PKD1L1: variants seen among roughly 807,000 people sequenced by gnomAD.
PKD1L1 encodes polycystin-1-like protein 1.
In PKD1L1, 236 loss-of-function variants were observed where a neutral mutation model predicts 323.4. That is an observed-to-expected ratio of 0.73 (90% CI 0.66 to 0.81). The LOEUF is 0.81. Ranked by LOEUF, PKD1L1 falls within the 40% of genes least tolerant of loss-of-function variation. The probability of loss-of-function intolerance (pLI) is 0.00; values close to 1 mark genes in which losing one functional copy is unlikely to be tolerated. For missense variants in PKD1L1, 3,320 were observed against 3,508.0 expected, an observed-to-expected ratio of 0.95 and a Z score of 1.35; for synonymous variants, 1,344 against 1,335.0, an observed-to-expected ratio of 1.01 and a Z score of -0.15.
intron 2 of PKD1L1, among the ~76,000 whole-genome samples, chr7:47,942,426 C>T (rs892872836): frequency 3.9e-5 from 6 of 152,008 alleles, no homozygotes; most frequent in African/African-American, 1.2e-4. Flanking sequence ...GGCACACACC[C>T]GCCTCCTGCC....
Position 47,830,142 on chromosome 7 carries a change from G to T in PKD1L1, c.6474-18C>A. 1 of 1,609,364 alleles carries T rather than the reference G, an allele frequency of 6.2e-7. No homozygotes were observed. The highest frequency in any genetic ancestry group is 8.5e-7 in the Non-Finnish European group (1 of 1,176,410). ...GGCCAAACCTGCCCCCAGGGAAAGT[G>T]CAGTGGTCAGCCCCCTCTAAGGGAG... is the stretch of plus-strand genomic sequence containing the variant. On this transcript the variant is annotated intron_variant, in intron 42 of 56. Coordinates refer to ENST00000289672, the MANE Select transcript of PKD1L1 (RefSeq NM_138295.5).
At position 47,843,953 on chromosome 7, in the gene PKD1L1, T is replaced by G. The variant is rs113122663; in HGVS notation, c.5238-784A>C. Among the ~76,000 whole-genome samples the G allele has an allele frequency of 4.2e-4, 64 of 152,288 alleles. 1 individual carries two copies. Among genetic ancestry groups the G allele is most frequent in the African/African-American group, 1.5e-3 (63 of 41,564 alleles). ...CCTGCCCTCTTTTTTCCCACCAAGA[T>G]AGAGCCTGTTCAGAGCTCTGCCCCA... On this transcript the variant is annotated intron_variant, in intron 33 of 56. Coordinates refer to ENST00000289672, the MANE Select transcript of PKD1L1 (RefSeq NM_138295.5).
At position 47,853,227 on chromosome 7, in the gene PKD1L1, T is replaced by C; in HGVS notation, c.4860A>G (p.Arg1620=). The change falls in exon 31 of 57, where the codon AGA becomes AGG. Residue 1620 remains arginine, a splice_region_variant and synonymous_variant. Transcript: ENST00000289672. ...CAGAGGGAGTAGGTTTCTCAGAGAA[T>C]CTAGGAGATAAAAACAAAATAGGGA... ...TRAFPVMLLV[R]FSEKPTPSDF... 1 of 1,598,574 alleles carries C rather than the reference T, an allele frequency of 6.3e-7. No homozygotes were observed. Among genetic ancestry groups the C allele is most frequent in the Non-Finnish European group, 8.6e-7 (1 of 1,166,926 alleles).
At position 47,904,228 on chromosome 7, in the gene PKD1L1, A is replaced by G. The variant is rs936488601; in HGVS notation, c.1931+150T>C. ...CTGGACTAGGAGCTCCTTGAGAAGCATGGTCAGGTCTTATTTGTCTCTGTG... is the reference window on the plus strand; with the variant it reads ...CTGGACTAGGAGCTCCTTGAGAAGCGTGGTCAGGTCTTATTTGTCTCTGTG... On this transcript the variant is annotated intron_variant, in intron 12 of 56. Transcript: ENST00000289672. The G allele has an allele frequency of 4.7e-6, 5 of 1,065,960 alleles. No homozygotes were observed. In the African/African-American group the frequency reaches 6.3e-5, roughly 13 times the overall value. The allele number at this position is 1,065,960 out of a possible 1,614,324, so 66.0% of individuals were successfully genotyped here.
chr7:47,885,807 C>G lies in PKD1L1; in HGVS notation c.3084G>C (p.Leu1028=), dbSNP rs983868161. ...WIPPAGDSAV[L]GEAPEEGSLD... Reference sequence around the variant, plus strand: ...GTGAACCTTCCTCTGGAGCCTCCCCCAGGACTGCAGAGTCCCCCGCAGGAG... The same window carrying G: ...GTGAACCTTCCTCTGGAGCCTCCCCGAGGACTGCAGAGTCCCCCGCAGGAG... The change falls in exon 18 of 57, where the codon CTG becomes CTC. Residue 1028 remains leucine, a synonymous_variant. Transcript: ENST00000289672. 6 of 1,614,120 alleles carry G rather than the reference C, an allele frequency of 3.7e-6. No homozygotes were observed. Among genetic ancestry groups the G allele is most frequent in the South Asian group, 3.3e-5 (3 of 91,096 alleles).
At position 47,865,279 on chromosome 7, in the gene PKD1L1, A is replaced by G. The variant is rs771420486; in HGVS notation, c.4093-7T>C. ...CAGAACCAATCATTTCTTCCTGACC[A>G]GAAGAAACAACAATAAAACAAAAAG... On this transcript the variant is annotated splice_polypyrimidine_tract_variant and splice_region_variant and intron_variant, in intron 25 of 56. Transcript: ENST00000289672. 6.2e-7 allele frequency: 1 copy of G among 1,611,490 alleles called. No homozygotes were observed. Among genetic ancestry groups the G allele is most frequent in the Admixed American group, 1.7e-5 (1 of 59,782 alleles).
At position 47,848,063 on chromosome 7, in the gene PKD1L1, T is replaced by A. The variant is rs543992388; in HGVS notation, c.4961-992A>T. On this transcript the variant is annotated intron_variant, in intron 31 of 56. Transcript: ENST00000289672. ...TATTAAAATGAACATTTCTCAATTA[T>A]AAGACTGGCAAAACTCAATAGCTTG... is the stretch of plus-strand genomic sequence containing the variant. Among the ~76,000 whole-genome samples the A allele has an allele frequency of 2.6e-5, 4 of 152,332 alleles. No individual in the cohort carries two copies. The East Asian group carries it at 7.7e-4, about 29-fold the overall frequency.
intron 14 of PKD1L1, among the ~76,000 whole-genome samples, chr7:47,896,496 G>A (rs1459835951): frequency 2.6e-5 from 4 of 151,994 alleles, no homozygotes; most frequent in Non-Finnish European, 5.9e-5. Flanking sequence ...CATTTTTTAA[G>A]TATTTTCTGG....
Position 47,946,393 on chromosome 7 carries a change from ACCAC to A in PKD1L1, c.44+2000_44+2003del, listed in dbSNP as rs1788096020. Among the ~76,000 whole-genome samples the A allele has an allele frequency of 1.4e-5, 2 of 146,192 alleles. No homozygotes were observed. The highest frequency in any genetic ancestry group is 4.5e-4 in the South Asian group (2 of 4,432). The stretch of plus-strand genomic sequence containing the variant: ...CACACTCACACCACACCACACTCAC[ACCAC>A]ACAAACACACCACACAGCATCACAC... On this transcript the variant is annotated intron_variant, in intron 1 of 56. Coordinates refer to ENST00000289672, the MANE Select transcript of PKD1L1 (RefSeq NM_138295.5). This position sits in a 1 kb window ranked among gnomAD's most constrained non-coding sequence, Gnocchi z 4.1.
intron 56 of PKD1L1, among the ~76,000 whole-genome samples, chr7:47,776,449 C>T (rs1212589713): frequency 1.3e-5 from 2 of 152,256 alleles, no homozygotes; most frequent in East Asian, 3.8e-4. Flanking sequence ...CCAGGTCTCT[C>T]AGCTCCAGCT....
chr7:47,927,771 A>T (rs1787683193), intron 7 of PKD1L1, among the ~76,000 whole-genome samples: 1 of 152,258 alleles, frequency 6.6e-6, no homozygotes, highest in African/African-American at 2.4e-5. Context: ...ATAGGACAAG[A>T]GTCCTAATTA....
rs371450996 is a variant in PKD1L1, at chr7:47,811,894, C to A, written c.7504G>T (p.Val2502Phe). The A allele has an allele frequency of 5.6e-6, 9 of 1,610,404 alleles. No homozygotes were observed. In the Admixed American group the frequency reaches 8.4e-5, roughly 15 times the overall value. Residue 2502 changes from valine (V) to phenylalanine (F), a missense_variant, in exon 50 of 57, where the codon GTC (valine) becomes TTC (phenylalanine). Val to Phe is a conservative substitution (Grantham distance 50). Transcript: ENST00000289672. Reference sequence around the variant, plus strand: ...AATGACTCCACCAGGGATGAGGGGACGAGACTCCCCGTAGGGAGGATCTCC... The same window carrying A: ...AATGACTCCACCAGGGATGAGGGGAAGAGACTCCCCGTAGGGAGGATCTCC... The part of the protein sequence containing the change: ...RVEILPTGSL[V>F]PSSLVESFSI...
intron 46 of PKD1L1, among the ~76,000 whole-genome samples, 198 bp downstream of exon 46, chr7:47,820,878 G>A (rs1283428624): frequency 2.0e-5 from 3 of 152,104 alleles, no homozygotes; most frequent in African/African-American, 7.2e-5. Flanking sequence ...AAATATCCTT[G>A]TTTTGCTATT....
intron 24 of PKD1L1, 33 bp downstream of exon 24, chr7:47,873,866 G>T: frequency 6.6e-7 from 1 of 1,513,582 alleles, no homozygotes; most frequent in South Asian, 1.2e-5. Flanking sequence ...ACAAATAATG[G>T]CTAGGATGTC....
chr7:47,859,421 T>C (rs947592026), intron 26 of PKD1L1, among the ~76,000 whole-genome samples: 9 of 152,192 alleles, frequency 5.9e-5, no homozygotes, highest in South Asian at 2.1e-4. Flanking sequence ...TCATTTGGAC[T>C]GGCAGAATCC....
chr7:47,885,301 T>TTC (rs1208554070), intron 18 of PKD1L1, among the ~76,000 whole-genome samples: 1 of 152,134 alleles, frequency 6.6e-6, no homozygotes, highest in East Asian at 1.9e-4. Context: ...TTATTACCTT[T>TTC]TCTCTCCATT....
intron 2 of PKD1L1, among the ~76,000 whole-genome samples, chr7:47,940,848 A>G (rs937204657): frequency 3.9e-5 from 6 of 152,156 alleles, no homozygotes; most frequent in Non-Finnish European, 7.3e-5. Context: ...CAGTGAGCGG[A>G]GCCAGTGTCC....
At chr7:47,892,028 T>C (rs1370386640) in intron 15 of PKD1L1, among the ~76,000 whole-genome samples, 1 of 152,220 alleles carries the variant, frequency 6.6e-6, no homozygotes, top group Non-Finnish European at 1.5e-5. Flanking sequence ...TCTATTGCTT[T>C]ATAAATAAAT....
chr7:47,789,878 C>CTATTT (rs1023333149), intron 56 of PKD1L1, among the ~76,000 whole-genome samples: 2 of 151,906 alleles, frequency 1.3e-5, no homozygotes, highest in Admixed American at 6.6e-5. Flanking sequence ...TATAAATCCT[C>CTATTT]TATTTTATTT....
Sources: gnomAD v4.1 joint callset for allele counts (sites outside exome capture counted in the v4.1 genomes callset) on GRCh38, gnomAD v4.1.1 for gene constraint, Gnocchi (gnomAD v3.1) non-coding constraint, MANE v1.5 for transcripts, NCBI Gene and HGNC (gene_info 2026-07-23, HGNC 2026-07-21) for gene names.